PDE1A: variants seen among roughly 807,000 people sequenced by gnomAD.
PDE1A encodes the protein phosphodiesterase 1A, also known as dual specificity calcium/calmodulin-dependent 3',5'-cyclic nucleotide phosphodiesterase 1A.
A neutral mutation model predicts 61.7 loss-of-function variants in PDE1A; 35 were observed. That is an observed-to-expected ratio of 0.57 (90% confidence interval 0.43 to 0.75). PDE1A has a LOEUF of 0.75. PDE1A is among the 30% of genes least tolerant of loss of function. PDE1A has a pLI of 0.00. For missense variants in PDE1A, 597 were observed against 630.6 expected (o/e 0.95, Z 0.57); for synonymous variants, 232 against 213.2 (o/e 1.09, Z -0.77).
chr2:182,164,524 A>C (rs921692696), downstream of PDE1A, among the ~76,000 whole-genome samples: 1 of 152,144 alleles, frequency 6.6e-6, no homozygotes, highest in African/African-American at 2.4e-5. Flanking sequence ...GTTAATAATC[A>C]AGTGAATAAG....
the PDE1A span, among the ~76,000 whole-genome samples, chr2:182,642,964 G>T: frequency 6.6e-6 from 1 of 152,142 alleles, no homozygotes; most frequent in Non-Finnish European, 1.5e-5. Flanking sequence ...TGAGTGTCAG[G>T]GACAGGCATG....
rs73046055 is a variant in PDE1A at position 182,228,104 on chromosome 2, G to T, written c.675+1902C>A. Reference sequence around the variant, plus strand: ...CTTGACAGCACTTTATAAAACATTTGCTCCTTAGCAAATGGACTGAGTTAC... The same window carrying T: ...CTTGACAGCACTTTATAAAACATTTTCTCCTTAGCAAATGGACTGAGTTAC... On this transcript the variant is annotated intron_variant, in intron 6 of 13. Coordinates refer to ENST00000351439, the Ensembl canonical transcript of PDE1A. 7.1e-3 allele frequency among the ~76,000 whole-genome samples: 1,080 copies of T among 152,188 alleles called. 10 individuals carry two copies. The highest frequency in any genetic ancestry group is 0.024 in the African/African-American group (992 of 41,538).
At chr2:182,641,044 A>T in the PDE1A span, among the ~76,000 whole-genome samples, 1 of 136,232 alleles carries the variant, frequency 7.3e-6, no homozygotes, top group Non-Finnish European at 1.6e-5. Flanking sequence ...GAAGAAGAAG[A>T]TATACAAGGA....
chr2:182,638,056 T>C, the PDE1A span, among the ~76,000 whole-genome samples: 1 of 152,140 alleles, frequency 6.6e-6, no homozygotes, highest in Non-Finnish European at 1.5e-5. Flanking sequence ...AAAAGAAACA[T>C]TATCAAGGAA....
chr2:182,449,373 G>A (rs148446777), intron 2 of PDE1A, among the ~76,000 whole-genome samples: 1,975 of 151,698 alleles, frequency 0.013, 28 homozygotes, highest in South Asian at 0.047. Flanking sequence ...GAGGGAGGAC[G>A]AGCGGGCAAA....
chr2:182,484,916 G>A (rs1011043622), intron 2 of PDE1A, among the ~76,000 whole-genome samples: 1 of 151,982 alleles, frequency 6.6e-6, no homozygotes, highest in Admixed American at 6.6e-5. Context: ...CACTGTTTGT[G>A]GGAATGTAAA....
At chr2:182,541,381 G>A in the PDE1A span, among the ~76,000 whole-genome samples, 1 of 152,138 alleles carries the variant, frequency 6.6e-6, no homozygotes, top group Non-Finnish European at 1.5e-5. Flanking sequence ...ATTAAGATAA[G>A]CTTAGATCTA....
chr2:182,680,126 C>G, the PDE1A span, among the ~76,000 whole-genome samples: 1 of 152,104 alleles, frequency 6.6e-6, no homozygotes, highest in Non-Finnish European at 1.5e-5. Flanking sequence ...TGGCAAATAA[C>G]CATTCTTACA....
intron 1 of PDE1A, among the ~76,000 whole-genome samples, chr2:182,307,555 T>G (rs539470442): frequency 1.6e-4 from 24 of 152,304 alleles, no homozygotes; most frequent in African/African-American, 5.8e-4. Flanking sequence ...GTCTGTGATA[T>G]TCTGTTATAG....
At chr2:182,487,628 G>C (rs1048714265) in intron 2 of PDE1A, among the ~76,000 whole-genome samples, 1 of 152,126 alleles carries the variant, frequency 6.6e-6, no homozygotes, top group African/African-American at 2.4e-5. Context: ...ACTGCATATT[G>C]CCTGATAGAT....
the PDE1A span, among the ~76,000 whole-genome samples, chr2:182,610,586 A>C: frequency 6.6e-6 from 1 of 152,250 alleles, no homozygotes; most frequent in Non-Finnish European, 1.5e-5. Flanking sequence ...AATTATTTTT[A>C]AAACTGCTTT....
At chr2:182,707,762 C>T in the PDE1A span, among the ~76,000 whole-genome samples, 7 of 152,164 alleles carry the variant, frequency 4.6e-5, no homozygotes, top group South Asian at 1.4e-3. Flanking sequence ...GAGTACACTT[C>T]CTGACTTATT....
At chr2:182,142,509 C>T (rs1027827219), downstream of PDE1A, 1 of 152,190 alleles carries the variant, frequency 6.6e-6, no homozygotes, top group Non-Finnish European at 1.5e-5. Flanking sequence ...CTTCAACCAG[C>T]TCCTCAGCAT....
intron 13 of PDE1A, among the ~76,000 whole-genome samples, chr2:182,181,661 C>A (rs6721940): frequency 1 from 151,518 of 152,264 alleles, 75,397 homozygotes; most frequent in Middle Eastern, 1. Flanking sequence ...AATCCGCTGA[C>A]CCTGCGACTG....
At chr2:182,452,982 C>CA (rs1244122290) in intron 2 of PDE1A, among the ~76,000 whole-genome samples, 4 of 152,048 alleles carry the variant, frequency 2.6e-5, no homozygotes, top group African/African-American at 9.7e-5. Context: ...TTGCCATGGA[C>CA]AGTCCGCACA....
At chr2:182,208,299 A>G (rs1687284436) in intron 7 of PDE1A, among the ~76,000 whole-genome samples, 1 of 152,294 alleles carries the variant, frequency 6.6e-6, no homozygotes, top group East Asian at 1.9e-4. Flanking sequence ...GGAAACTTAC[A>G]ATCATGATGG....
At chr2:182,671,077 CAA>C in the PDE1A span, among the ~76,000 whole-genome samples, 1 of 152,142 alleles carries the variant, frequency 6.6e-6, no homozygotes, top group African/African-American at 2.4e-5. Context: ...CTTGGCCTCC[CAA>C]AGTGCTGGTA....
At chr2:182,626,803 A>G in the PDE1A span, among the ~76,000 whole-genome samples, 4 of 30,198 alleles carry the variant, frequency 1.3e-4, 2 homozygotes, top group Non-Finnish European at 3.0e-4. Context: ...ATATATATAC[A>G]TATATATATA....
the PDE1A span, among the ~76,000 whole-genome samples, chr2:182,659,763 T>C: frequency 3.3e-5 from 5 of 152,222 alleles, no homozygotes; most frequent in East Asian, 1.9e-4. Flanking sequence ...GAGATACTTA[T>C]GTAGCATGAT....
Sources: allele counts gnomAD v4.1 joint callset (sites outside exome capture counted in the v4.1 genomes callset), GRCh38; gene constraint gnomAD v4.1.1; transcripts MANE v1.5; gene names NCBI Gene and HGNC (gene_info 2026-07-23, HGNC 2026-07-21).